Variants in MLKL observed in about 807,000 individuals in gnomAD.
The protein encoded by MLKL is mixed lineage kinase domain like pseudokinase.
In MLKL, 55 loss-of-function variants were observed where a neutral mutation model predicts 56.5. The observed-to-expected ratio is 0.97, with a 90% CI of 0.78 to 1.22. MLKL has a LOEUF of 1.22. Ranked by LOEUF, MLKL falls within the 50% of genes most tolerant of loss-of-function variation. The pLI, the probability that MLKL is intolerant of heterozygous loss-of-function variation, is 0.00. For missense variants in MLKL, 694 were observed against 573.9 expected, an observed-to-expected ratio of 1.21 and a Z score of -2.14; for synonymous variants, 251 against 208.3, an observed-to-expected ratio of 1.20 and a Z score of -1.76.
At chr16:74,697,304 T>C (rs1222708470) in intron 1 of MLKL, among the ~76,000 whole-genome samples, 1 of 152,068 alleles carries the variant, frequency 6.6e-6, no homozygotes, top group East Asian at 1.9e-4. Context: ...ATGACAACAT[T>C]GAGCCACTGG....
chr16:74,686,669 G>A (rs1960351347), intron 4 of MLKL, among the ~76,000 whole-genome samples: 1 of 152,148 alleles, frequency 6.6e-6, no homozygotes, highest in African/African-American at 2.4e-5. Flanking sequence ...AATGTAGGCA[G>A]GTAAATTATT....
At chr16:74,687,071 G>A (rs1181468410) in intron 4 of MLKL, among the ~76,000 whole-genome samples, 2 of 152,112 alleles carry the variant, frequency 1.3e-5, no homozygotes, top group Admixed American at 1.3e-4. Context: ...TGCCTCCTGG[G>A]TTCAAGCAAT....
Position 74,682,664 on chromosome 16 carries a change from G to T in MLKL, c.943C>A (p.Arg315=), listed in dbSNP as rs755943569. 1 of 1,614,004 alleles carries T rather than the reference G, an allele frequency of 6.2e-7. No individual in the cohort carries two copies. The highest frequency in any genetic ancestry group is 1.1e-5 in the South Asian group (1 of 91,070). The change falls in exon 6 of 11, where the codon CGA becomes AGA. Residue 315 remains arginine, a synonymous_variant. Transcript: ENST00000308807. ...KRMVLVLGAA[R]GLYRLHHSEA... is the part of the protein sequence containing the mutation. ...ACCCCGTCTTACCGGTATAGGCCTC[G>T]GGCTGCCCCCAGGACTAGGACCATG...
chr16:74,693,145 G>C (rs1960777578), intron 2 of MLKL, among the ~76,000 whole-genome samples: 1 of 152,064 alleles, frequency 6.6e-6, no homozygotes, highest in Non-Finnish European at 1.5e-5. Context: ...CCACTTCTGG[G>C]AATTTCTCAT....
At chr16:74,682,906 C>A (rs1444233018) in intron 5 of MLKL, 120 bp from the exon 6 acceptor site, 8 of 1,199,322 alleles carry the variant, frequency 6.7e-6, no homozygotes, top group Non-Finnish European at 9.2e-6. Context: ...TCCCATTTCT[C>A]CCCCAATCCT....
chr16:74,685,707 C>G, intron 4 of MLKL, 124 bp from the exon 5 acceptor site: 1 of 703,650 alleles, frequency 1.4e-6, no homozygotes, highest in Non-Finnish European at 2.5e-6. Context: ...AGAACTGGTG[C>G]CAGGATGAAC....
At chr16:74,685,405 TA>T (rs201942950) in intron 5 of MLKL, 80 bp downstream of exon 5, 6 of 1,046,164 alleles carry the variant, frequency 5.7e-6, no homozygotes, top group Non-Finnish European at 7.3e-6. Flanking sequence ...TGATGTTCTT[TA>T]AAAAAATGCA....
chr16:74,673,281 G>A (rs561218249), intron 10 of MLKL, among the ~76,000 whole-genome samples: 9 of 152,196 alleles, frequency 5.9e-5, no homozygotes, highest in Admixed American at 2.6e-4. Flanking sequence ...ACAGTGGCGC[G>A]ATCTTGGCTC....
chr16:74,673,102 A>G (rs775926821), intron 10 of MLKL, among the ~76,000 whole-genome samples: 1 of 152,176 alleles, frequency 6.6e-6, no homozygotes, highest in Non-Finnish European at 1.5e-5. Context: ...CCAACAGACC[A>G]TCTGTGAGAA....
chr16:74,691,325 G>A lies in MLKL; in HGVS notation c.674C>T (p.Ala225Val). The A allele has an allele frequency of 4.3e-6, 7 of 1,613,432 alleles. No individual in the cohort carries two copies. Among genetic ancestry groups the A allele is most frequent in the Non-Finnish European group, 5.1e-6 (6 of 1,179,840 alleles). ...STLYKGEYHR[A>V]PVAIKVFKKL... ...TTTGAATACTTTTATGGCCACTGGA[G>A]CTCTGTGGTATTCTCCTTTATAAAG... is the stretch of plus-strand genomic sequence containing the variant. Residue 225 changes from alanine to valine, a missense_variant, in exon 4 of 11, where the codon GCT becomes GTT. Ala to Val is a moderately conservative substitution (Grantham distance 64). Transcript: ENST00000308807.
chr16:74,696,347 C>T (rs1961040899), intron 1 of MLKL, among the ~76,000 whole-genome samples: 1 of 152,050 alleles, frequency 6.6e-6, no homozygotes, highest in Admixed American at 6.6e-5. Context: ...TTTCAGGGGC[C>T]AGGCGGGTAA....
intron 7 of MLKL, 36 bp downstream of exon 7, chr16:74,678,863 G>A: frequency 6.5e-7 from 1 of 1,534,624 alleles, no homozygotes. Context: ...CAGTCATGCA[G>A]GTTTGACCCA....
chr16:74,683,846 C>T lies in MLKL; in HGVS notation c.821-1060G>A, dbSNP rs550912799. On this transcript the variant is annotated intron_variant, in intron 5 of 10. Coordinates refer to ENST00000308807, the MANE Select transcript of MLKL (RefSeq NM_152649.4). Reference sequence around the variant, plus strand: ...GAGGACTCAGACAAGAAGTCGACTTCCCCATTCATGGGCCTGAGCTGCAAA... The same window carrying T: ...GAGGACTCAGACAAGAAGTCGACTTTCCCATTCATGGGCCTGAGCTGCAAA... Among the ~76,000 whole-genome samples the T allele has an allele frequency of 2.0e-5, 3 of 152,278 alleles. No homozygotes were observed. In the South Asian group the frequency reaches 6.2e-4, roughly 32 times the overall value.
Position 74,691,455 on chromosome 16 carries a change from G to A in MLKL, c.544C>T (p.Pro182Ser), listed in dbSNP as rs761947740. The change falls in exon 4 of 11, where the codon CCA becomes TCA. Residue 182 changes from proline (P) to serine (S), a missense_variant. Transcript: ENST00000308807. Reference protein sequence around the residue: ...IKETLRQYLPPKCMQEIPQEQ... With the variant: ...IKETLRQYLPSKCMQEIPQEQ... ...TGCGGGATCTCCTGCATGCATTTTG[G>A]TGGTAAATCTGACCTCACCCCCGAG... The A allele has an allele frequency of 4.1e-5, 66 of 1,612,842 alleles. No individual in the cohort carries two copies. The highest frequency in any genetic ancestry group is 5.3e-5 in the Non-Finnish European group (63 of 1,179,794).
chr16:74,673,134 T>C (rs368213993), intron 10 of MLKL, among the ~76,000 whole-genome samples: 14 of 152,340 alleles, frequency 9.2e-5, no homozygotes, highest in African/African-American at 3.1e-4. Flanking sequence ...ACAGTCCTCA[T>C]GCTCAAGACT....
intron 1 of MLKL, among the ~76,000 whole-genome samples, chr16:74,699,835 G>T (rs1961270675): frequency 1.3e-5 from 2 of 152,200 alleles, no homozygotes; most frequent in Non-Finnish European, 2.9e-5. Context: ...TAGCTACTTG[G>T]GAGGATCTGG....
intron 3 of MLKL, 84 bp downstream of exon 3, chr16:74,692,258 G>C: frequency 1.6e-6 from 2 of 1,217,856 alleles, no homozygotes; most frequent in Non-Finnish European, 2.4e-6. Flanking sequence ...ACAAATGCAG[G>C]GGTAGCGGGA....
chr16:74,694,084 A>G (rs1172056658), intron 2 of MLKL, among the ~76,000 whole-genome samples: 1 of 152,162 alleles, frequency 6.6e-6, no homozygotes, highest in Non-Finnish European at 1.5e-5. Flanking sequence ...TTTACATGGG[A>G]GGATATTTAA....
At chr16:74,681,137 C>A (rs372512040) in intron 6 of MLKL, among the ~76,000 whole-genome samples, 126 of 152,150 alleles carry the variant, frequency 8.3e-4, no homozygotes, top group African/African-American at 2.7e-3. Context: ...TGATTCTTGT[C>A]CCTCAAGCCT....
Sources: gnomAD v4.1 joint callset for allele counts (sites outside exome capture counted in the v4.1 genomes callset) on GRCh38, gnomAD v4.1.1 for gene constraint, MANE v1.5 for transcripts, NCBI Gene and HGNC (gene_info 2026-07-23, HGNC 2026-07-21) for gene names.